Variants in ELOC observed in about 807,000 individuals in gnomAD.
The protein encoded by ELOC is elongin C.
For synonymous variants in ELOC, 40 were observed against 51.3 expected (o/e 0.78, Z 0.94); for missense variants, 38 against 139.0 (o/e 0.27, Z 3.65).
chr8:73,949,242 G>T (rs1218153792), intron 3 of ELOC, among the ~76,000 whole-genome samples: 1 of 152,194 alleles, frequency 6.6e-6, no homozygotes, highest in Non-Finnish European at 1.5e-5. Context: ...GGAGAAAGGA[G>T]TACTGCGGGA....
At chr8:73,971,467 C>G (rs532276047) in intron 1 of ELOC, among the ~76,000 whole-genome samples, 1 of 152,128 alleles carries the variant, frequency 6.6e-6, no homozygotes, top group African/African-American at 2.4e-5. Context: ...AATGCTCACG[C>G]TAAATGGCAC....
intron 3 of ELOC, among the ~76,000 whole-genome samples, chr8:73,952,425 A>T (rs900493452): frequency 2.0e-5 from 3 of 150,162 alleles, no homozygotes; most frequent in African/African-American, 7.3e-5. Context: ...TAAATATATT[A>T]ATTAATTTAA....
intron 3 of ELOC, among the ~76,000 whole-genome samples, chr8:73,949,120 T>C (rs1470860142): frequency 1.3e-5 from 2 of 152,244 alleles, no homozygotes; most frequent in Non-Finnish European, 2.9e-5. Flanking sequence ...ATGCTGAATA[T>C]AAAAGGCATT....
chr8:73,964,175 T>G (rs777071704), intron 1 of ELOC, among the ~76,000 whole-genome samples: 61 of 146,250 alleles, frequency 4.2e-4, no homozygotes, highest in Non-Finnish European at 7.9e-4. Flanking sequence ...GGTCCCTGGA[T>G]AGTGAATGAT....
At chr8:73,946,867 C>A in intron 3 of ELOC, 47 bp from the exon 4 acceptor site, 1 of 1,519,698 alleles carries the variant, frequency 6.6e-7, no homozygotes, top group Non-Finnish European at 9.0e-7. Flanking sequence ...ATTGTGTCCT[C>A]CAAATTCATA....
chr8:73,970,434 C>T (rs1448062552), intron 1 of ELOC: 2 of 152,102 alleles, frequency 1.3e-5, no homozygotes, highest in East Asian at 1.9e-4. Flanking sequence ...ACAGAATTAC[C>T]ATCTGGCAAT....
intron 3 of ELOC, among the ~76,000 whole-genome samples, chr8:73,953,405 AG>A (rs1475013503): frequency 4.0e-5 from 6 of 151,516 alleles, no homozygotes; most frequent in Non-Finnish European, 7.4e-5. Context: ...GGCCAGGCAC[AG>A]TGGCTCACGC....
Position 73,945,558 on chromosome 8 carries a change from A to G in ELOC, c.*1072T>C, listed in dbSNP as rs989576831. ...CCCATGCATAAGGAATGATGCTGTC[A>G]TATTTTTTCAAAAAATTTTTTGGCT... is the stretch of plus-strand genomic sequence containing the variant. On this transcript the variant is annotated 3_prime_UTR_variant, in exon 4 of 4. Coordinates refer to ENST00000520242, the MANE Select transcript of ELOC (RefSeq NM_005648.4). 9.2e-5 allele frequency: 14 copies of G among 152,202 alleles called. No homozygotes were observed. Among genetic ancestry groups the G allele is most frequent in the African/African-American group, 2.9e-4 (12 of 41,456 alleles). 9.4% of individuals were successfully genotyped at this position (152,202 alleles called of 1,614,324 possible). A position where few individuals can be genotyped will look rare whatever the true frequency, so the allele number is the denominator to read the frequency against.
At chr8:73,967,992 T>G (rs893648016) in intron 1 of ELOC, among the ~76,000 whole-genome samples, 2 of 152,164 alleles carry the variant, frequency 1.3e-5, no homozygotes, top group Admixed American at 1.3e-4. Context: ...CTTCAATCTG[T>G]AAGCACAATT....
At chr8:73,967,463 CT>C (rs1220860474) in intron 1 of ELOC, among the ~76,000 whole-genome samples, 6 of 136,798 alleles carry the variant, frequency 4.4e-5, no homozygotes, top group African/African-American at 1.3e-4. Flanking sequence ...ATATAATTTT[CT>C]TTTCTTTTTT....
In ELOC at chr8:73,946,468, C is replaced by T. The variant is rs1586586863; in HGVS notation, c.*162G>A. 3 of 506,876 alleles carry T rather than the reference C, an allele frequency of 5.9e-6. No homozygotes were observed. In the East Asian group the frequency reaches 9.3e-5, roughly 16 times the overall value. 31.4% of individuals were successfully genotyped at this position (506,876 alleles called of 1,614,324 possible). On this transcript the variant is annotated 3_prime_UTR_variant, in exon 4 of 4. Transcript: ENST00000520242. ...ATTTGTTGATGTAGCAAACAAATTTCAACTTTGATTGCTATGCAAAAAAAC... is the reference window on the plus strand; with the variant it reads ...ATTTGTTGATGTAGCAAACAAATTTTAACTTTGATTGCTATGCAAAAAAAC...
At chr8:73,947,916 G>A (rs983290067) in intron 3 of ELOC, among the ~76,000 whole-genome samples, 2 of 152,086 alleles carry the variant, frequency 1.3e-5, no homozygotes, top group Admixed American at 6.6e-5. Flanking sequence ...CTTGAGGGCC[G>A]GGCGGGGTGG....
intron 1 of ELOC, among the ~76,000 whole-genome samples, chr8:73,962,764 T>C (rs1356750443): frequency 1.3e-5 from 2 of 152,206 alleles, no homozygotes; most frequent in Non-Finnish European, 2.9e-5. Flanking sequence ...AGAGTTAATG[T>C]AGTAAATCAA....
chr8:73,949,570 C>T (rs1813612398), intron 3 of ELOC, among the ~76,000 whole-genome samples: 1 of 152,224 alleles, frequency 6.6e-6, no homozygotes, highest in Admixed American at 6.5e-5. Context: ...TCCCCATCCC[C>T]CCAGCCTCTG....
In ELOC at chr8:73,945,861, AC is replaced by A. The variant is rs1813349833; in HGVS notation, c.*768del. 6.6e-6 allele frequency: 1 copy of A among 152,226 alleles called. No homozygotes were observed. Among genetic ancestry groups the A allele is most frequent in the African/African-American group, 2.4e-5 (1 of 41,468 alleles). 9.4% of individuals were successfully genotyped at this position (152,226 alleles called of 1,614,324 possible). A position where few individuals can be genotyped will look rare whatever the true frequency, so the allele number is the denominator to read the frequency against. ...TTAAACAACTGGAAGTATAATCACA[AC>A]AAGGGACTATGAAGGAAGAATAAAT... On this transcript the variant is annotated 3_prime_UTR_variant, in exon 4 of 4. Transcript: ENST00000520242.
chr8:73,958,335 T>A (rs994682374), intron 2 of ELOC, among the ~76,000 whole-genome samples: 2 of 152,140 alleles, frequency 1.3e-5, no homozygotes, highest in African/African-American at 4.8e-5. Context: ...TATGTCATCA[T>A]CTTATGTTAT....
At chr8:73,957,542 T>C (rs1814273610) in intron 2 of ELOC, among the ~76,000 whole-genome samples, 1 of 152,190 alleles carries the variant, frequency 6.6e-6, no homozygotes, top group Non-Finnish European at 1.5e-5. Context: ...CAAATATCCA[T>C]TTGTTAAACA....
At chr8:73,971,413 A>G (rs1224288512) in intron 1 of ELOC, among the ~76,000 whole-genome samples, 1 of 152,182 alleles carries the variant, frequency 6.6e-6, no homozygotes, top group African/African-American at 2.4e-5. Flanking sequence ...CGGCCCCTTA[A>G]AAAAGAATTT....
intron 1 of ELOC, among the ~76,000 whole-genome samples, chr8:73,961,711 C>T (rs1242580349): frequency 6.6e-6 from 1 of 152,058 alleles, no homozygotes; most frequent in African/African-American, 2.4e-5. Flanking sequence ...CCAGGTTTCG[C>T]CATGTTGGCC....
Sources: gnomAD v4.1 joint callset for allele counts (sites outside exome capture counted in the v4.1 genomes callset) on GRCh38, gnomAD v4.1.1 for gene constraint, MANE v1.5 for transcripts, NCBI Gene and HGNC (gene_info 2026-07-23, HGNC 2026-07-21) for gene names.